Variants in SPATA13 observed in about 807,000 individuals in gnomAD.
The protein encoded by SPATA13 is spermatogenesis-associated protein 13.
A neutral mutation model predicts 104.0 loss-of-function variants in SPATA13; 50 were observed. That is an observed-to-expected ratio of 0.48 (90% CI 0.38 to 0.61). The LOEUF (loss-of-function observed/expected upper bound fraction) is 0.61. Ranked by LOEUF, SPATA13 falls within the 20% of genes least tolerant of loss-of-function variation. SPATA13 has a pLI of 0.00. For synonymous variants in SPATA13, 606 were observed against 667.5 expected, an observed-to-expected ratio of 0.91 and a Z score of 1.42; for missense variants, 1,524 against 1,690.6, an observed-to-expected ratio of 0.90 and a Z score of 1.73.
intron 1 of SPATA13, among the ~76,000 whole-genome samples, chr13:24,195,795 T>C (rs1474259402): frequency 6.6e-6 from 1 of 152,152 alleles, no homozygotes; most frequent in Non-Finnish European, 1.5e-5. Context: ...AGAACTTAAA[T>C]TGGTTAATAT....
intron 1 of SPATA13, among the ~76,000 whole-genome samples, chr13:24,181,761 C>CTTTTTTTT (rs374662974): frequency 3.4e-5 from 5 of 145,006 alleles, no homozygotes; most frequent in Non-Finnish European, 3.0e-5. Context: ...TTACAGTTGA[C>CTTTTTTTT]TTTTTTTTTT....
upstream of SPATA13, among the ~76,000 whole-genome samples, chr13:24,158,348 C>T (rs929454846): frequency 6.6e-6 from 1 of 152,166 alleles, no homozygotes; most frequent in Non-Finnish European, 1.5e-5. Flanking sequence ...AAAGCCACTG[C>T]GGGAGACCTA....
rs574132377 is a variant in SPATA13, at chr13:24,042,781, C to T, written c.-112+25080C>T. ...TGCCTCACTTGGTCAGCGGTGGAGC[C>T]CAAGAATCTGCATCTTACCAAGCTC... On this transcript the variant is annotated intron_variant, in intron 3 of 14. Transcript: ENST00000424834. Among the ~76,000 whole-genome samples, 49 of 152,252 alleles carry T rather than the reference C, an allele frequency of 3.2e-4. No homozygotes were observed. In the South Asian group the frequency reaches 9.1e-3, roughly 28 times the overall value.
chr13:24,240,147 A>G (rs1300873318), intron 2 of SPATA13, among the ~76,000 whole-genome samples: 1 of 152,004 alleles, frequency 6.6e-6, no homozygotes, highest in Non-Finnish European at 1.5e-5. Context: ...CCTGCTAAAA[A>G]TACAAAAATT....
Position 24,284,142 on chromosome 13 carries a change from A to G in SPATA13, c.2172A>G (p.Ser724=). The part of the protein sequence containing the change: ...RRQMRASNVS[S]DGGTEPSALV... ...TTGTTTTGTATGTTTTAGTTTCTTC[A>G]GATGGAGGTACTGAGCCCTCTGCCT... is the stretch of plus-strand genomic sequence containing the variant. The change falls in exon 5 of 13, where the codon TCA becomes TCG. Residue 724 remains serine, a synonymous_variant. Coordinates refer to ENST00000382108, the MANE Select transcript of SPATA13 (RefSeq NM_001166271.3). The G allele has an allele frequency of 1.2e-6, 2 of 1,609,800 alleles. 1 individual carries two copies.
At chr13:24,192,700 C>T (rs1366882851) in intron 1 of SPATA13, among the ~76,000 whole-genome samples, 3 of 152,246 alleles carry the variant, frequency 2.0e-5, no homozygotes, top group South Asian at 2.1e-4. Context: ...TTACCCGCTT[C>T]TACGGTGTGA....
chr13:24,063,452 A>G (rs534266388), intron 3 of SPATA13, among the ~76,000 whole-genome samples: 1 of 151,620 alleles, frequency 6.6e-6, no homozygotes, highest in Admixed American at 6.6e-5. Flanking sequence ...GCGCCTCTGG[A>G]CTCTGACTGC....
intron 2 of SPATA13, among the ~76,000 whole-genome samples, chr13:24,244,639 G>A (rs1873018964): frequency 6.6e-6 from 1 of 152,218 alleles, no homozygotes; most frequent in Non-Finnish European, 1.5e-5. Context: ...CAAGGCAGGT[G>A]AATTGCTTGA....
intron 3 of SPATA13, among the ~76,000 whole-genome samples, chr13:24,063,209 C>T (rs1878837222): frequency 6.6e-6 from 1 of 152,110 alleles, no homozygotes; most frequent in Non-Finnish European, 1.5e-5. Context: ...GTTTTATTCG[C>T]GTCTGCCTCC....
At chr13:24,294,915 G>A (rs201816417) in intron 10 of SPATA13, 47 bp downstream of exon 10, 317 of 1,570,640 alleles carry the variant, frequency 2.0e-4, no homozygotes, top group African/African-American at 9.9e-4. Flanking sequence ...CGCCCTTCCC[G>A]CACCTTTGAT....
At chr13:24,148,132 C>T (rs536595564) in intron 3 of SPATA13, among the ~76,000 whole-genome samples, 1 of 152,124 alleles carries the variant, frequency 6.6e-6, no homozygotes, top group Admixed American at 6.5e-5. Context: ...ATTGTTGAAT[C>T]ATATCATTTC....
At chr13:24,190,386 A>G (rs1347230937) in intron 1 of SPATA13, among the ~76,000 whole-genome samples, 2 of 89,328 alleles carry the variant, frequency 2.2e-5, no homozygotes, top group African/African-American at 6.6e-5. Flanking sequence ...AATATTATAT[A>G]TATAATAAGG....
chr13:24,192,569 G>A (rs1869823298), intron 1 of SPATA13, among the ~76,000 whole-genome samples: 1 of 152,142 alleles, frequency 6.6e-6, no homozygotes, highest in Non-Finnish European at 1.5e-5. Context: ...GTCAAGACCT[G>A]AAGTCCTGTC....
At position 24,278,861 on chromosome 13, in the gene SPATA13, A is replaced by G. The variant is rs775346565; in HGVS notation, c.2165-5274A>G. ...CCCCAAAGCCTTGCATGAAGTCCACATGCTGTTTTTCTTTCCTTCCTTCCT... is the reference window on the plus strand; with the variant it reads ...CCCCAAAGCCTTGCATGAAGTCCACGTGCTGTTTTTCTTTCCTTCCTTCCT... On this transcript the variant is annotated intron_variant, in intron 4 of 12. Transcript: ENST00000382108. 30 of 1,517,164 alleles carry G rather than the reference A, an allele frequency of 2.0e-5. No individual in the cohort carries two copies. The African/African-American group carries it at 4.1e-4, about 21-fold the overall frequency. 94.0% of individuals were successfully genotyped at this position (1,517,164 alleles called of 1,614,324 possible). A position where few individuals can be genotyped will look rare whatever the true frequency, so the allele number is the denominator to read the frequency against.
At chr13:24,278,283 T>C (rs537793268) in intron 4 of SPATA13, among the ~76,000 whole-genome samples, 1 of 152,332 alleles carries the variant, frequency 6.6e-6, no homozygotes, top group South Asian at 2.1e-4. Flanking sequence ...CTGTGTGTTA[T>C]TGGGACTTGA....
chr13:24,201,464 C>T (rs2138571783), intron 1 of SPATA13, among the ~76,000 whole-genome samples: 1 of 151,632 alleles, frequency 6.6e-6, no homozygotes, highest in South Asian at 2.1e-4. Flanking sequence ...TTTTTTGAGA[C>T]AGAGGCTTGC....
chr13:24,027,481 A>G (rs1877282743), intron 3 of SPATA13, among the ~76,000 whole-genome samples: 1 of 151,936 alleles, frequency 6.6e-6, no homozygotes, highest in African/African-American at 2.4e-5. Flanking sequence ...GATTTTATTA[A>G]TATTTCCAAA....
chr13:24,123,492 A>G, intron 3 of SPATA13: 2 of 1,604,928 alleles, frequency 1.2e-6, no homozygotes, highest in Admixed American at 1.7e-5. Context: ...GAAAGAGCCA[A>G]TCATATGCAG....
chr13:24,182,688 G>A (rs747260956), intron 1 of SPATA13, among the ~76,000 whole-genome samples: 1 of 152,160 alleles, frequency 6.6e-6, no homozygotes, highest in Non-Finnish European at 1.5e-5. Flanking sequence ...TGTGAGATTT[G>A]GAGAGGACAA....
Sources: gnomAD v4.1 joint callset for allele counts (sites outside exome capture counted in the v4.1 genomes callset) on GRCh38, gnomAD v4.1.1 for gene constraint, MANE v1.5 for transcripts, NCBI Gene and HGNC (gene_info 2026-07-23, HGNC 2026-07-21) for gene names.